Variants in KIRREL3 observed in about 807,000 individuals in gnomAD.
KIRREL3 encodes the protein kirre like nephrin family adhesion molecule 3.
In KIRREL3, 36 loss-of-function variants were observed where a neutral mutation model predicts 89.7. The observed-to-expected ratio is 0.40, with a 90% CI of 0.31 to 0.53. The LOEUF (loss-of-function observed/expected upper bound fraction) is 0.53, where lower values mean the gene tolerates loss of function less well. Among genes scored for constraint, KIRREL3 ranks in the 20% least tolerant of loss-of-function variants. KIRREL3 has a pLI of 0.49. For missense variants in KIRREL3, 864 were observed against 1,056.6 expected (o/e 0.82, Z 2.53); for synonymous variants, 445 against 441.4 (o/e 1.01, Z -0.10).
chr11:126,434,692 A>C (rs898050311), intron 13 of KIRREL3, among the ~76,000 whole-genome samples: 2 of 152,112 alleles, frequency 1.3e-5, no homozygotes, highest in Non-Finnish European at 2.9e-5. Flanking sequence ...GGGCCTGATG[A>C]CTGCTTTGCT....
At chr11:126,804,841 C>T (rs112966375) in intron 1 of KIRREL3, among the ~76,000 whole-genome samples, 2,051 of 152,224 alleles carry the variant, frequency 0.013, 48 homozygotes, top group African/African-American at 0.047. Flanking sequence ...GTGCAGGCTT[C>T]AGGATTTCCT....
In KIRREL3 at chr11:126,814,096, A is replaced by T. The variant is rs932251801; in HGVS notation, c.55+186359T>A. Among the ~76,000 whole-genome samples the T allele has an allele frequency of 1.3e-5, 2 of 152,188 alleles. No individual in the cohort carries two copies. The highest frequency in any genetic ancestry group is 3.2e-3 in the Middle Eastern group (1 of 316). ...AACCCGGTTAAAAAGTTGGCAAAGG[A>T]CATGAACAGACACTTCTCAAAAGAA... On this transcript the variant is annotated intron_variant, in intron 1 of 16. Coordinates refer to ENST00000525144, the MANE Select transcript of KIRREL3 (RefSeq NM_032531.4). The surrounding 1 kb of genome is among the most constrained non-coding windows in gnomAD (Gnocchi z 4.4).
chr11:126,887,592 G>C (rs1329324271), intron 1 of KIRREL3, among the ~76,000 whole-genome samples: 1 of 152,046 alleles, frequency 6.6e-6, no homozygotes, highest in Non-Finnish European at 1.5e-5. Context: ...TCATTTCCCA[G>C]CCTCTCCTCT....
intron 1 of KIRREL3, among the ~76,000 whole-genome samples, chr11:126,756,229 T>A (rs2134256532): frequency 6.6e-6 from 1 of 152,370 alleles, no homozygotes; most frequent in South Asian, 2.1e-4. Flanking sequence ...TCCCATGATG[T>A]CTTCCAGCAG....
intron 1 of KIRREL3, among the ~76,000 whole-genome samples, chr11:126,916,752 G>T (rs1002489000): frequency 1.3e-5 from 2 of 152,192 alleles, no homozygotes; most frequent in African/African-American, 4.8e-5. Flanking sequence ...TTTAGGTTTC[G>T]AAAAGAGATT....
At chr11:126,720,957 T>G (rs148171707) in intron 1 of KIRREL3, among the ~76,000 whole-genome samples, 1 of 152,220 alleles carries the variant, frequency 6.6e-6, no homozygotes, top group East Asian at 1.9e-4. Context: ...GTCTATTTCA[T>G]GTGCTTGAGA....
chr11:126,680,415 T>TATATAC (rs551073557), intron 1 of KIRREL3, among the ~76,000 whole-genome samples: 33 of 151,594 alleles, frequency 2.2e-4, no homozygotes, highest in African/African-American at 7.6e-4. Context: ...TATATATATA[T>TATATAC]ACACATAGCC....
intron 1 of KIRREL3, among the ~76,000 whole-genome samples, chr11:126,856,999 G>A (rs1944541188): frequency 6.6e-6 from 1 of 152,146 alleles, no homozygotes; most frequent in South Asian, 2.1e-4. Flanking sequence ...TTAACTGAGT[G>A]GAACTGTCTC....
At chr11:126,871,001 C>T (rs1477379325) in intron 1 of KIRREL3, among the ~76,000 whole-genome samples, 2 of 152,202 alleles carry the variant, frequency 1.3e-5, no homozygotes, top group African/African-American at 2.4e-5. Context: ...GCCCTGGAAG[C>T]TGGCTCAGTT....
At chr11:126,670,672 C>G (rs1480391212) in intron 1 of KIRREL3, among the ~76,000 whole-genome samples, 1 of 152,198 alleles carries the variant, frequency 6.6e-6, no homozygotes, top group Non-Finnish European at 1.5e-5. Flanking sequence ...AGCTGCCTAC[C>G]TTGCCCCACC....
intron 1 of KIRREL3, among the ~76,000 whole-genome samples, chr11:126,720,171 G>T (rs1314355208): frequency 6.6e-6 from 1 of 152,146 alleles, no homozygotes; most frequent in African/African-American, 2.4e-5. Context: ...AATTGTCTGA[G>T]CTCCCACTTG....
At chr11:126,831,274 T>C (rs1943596979) in intron 1 of KIRREL3, among the ~76,000 whole-genome samples, 1 of 152,216 alleles carries the variant, frequency 6.6e-6, no homozygotes, top group Non-Finnish European at 1.5e-5. Flanking sequence ...ACCAAGGTAA[T>C]GTTCCATGAG....
intron 1 of KIRREL3, among the ~76,000 whole-genome samples, chr11:126,671,958 A>G (rs1342851180): frequency 1.3e-5 from 2 of 152,256 alleles, no homozygotes; most frequent in African/African-American, 4.8e-5. Context: ...TTACGTGCAC[A>G]CAAAAACCTC....
chr11:126,822,331 C>T (rs1434370904), intron 1 of KIRREL3, among the ~76,000 whole-genome samples: 1 of 152,094 alleles, frequency 6.6e-6, no homozygotes. Flanking sequence ...TCAAACATAA[C>T]TATGCTTATT....
At chr11:126,665,227 G>T (rs971742755) in intron 1 of KIRREL3, among the ~76,000 whole-genome samples, 1 of 152,190 alleles carries the variant, frequency 6.6e-6, no homozygotes, top group African/African-American at 2.4e-5. Flanking sequence ...TCTGGGAATG[G>T]TGTCTGCAGG....
At chr11:126,878,402 G>C (rs1333466460) in intron 1 of KIRREL3, among the ~76,000 whole-genome samples, 1 of 152,048 alleles carries the variant, frequency 6.6e-6, no homozygotes, top group Non-Finnish European at 1.5e-5. Context: ...TTACTCCTGG[G>C]GGAGGGAGCA....
intron 4 of KIRREL3, among the ~76,000 whole-genome samples, chr11:126,517,136 A>AAGAGAAAGAGAGAGAGAGAGAGAG (rs1958437550): frequency 2.1e-5 from 3 of 140,906 alleles, no homozygotes; most frequent in East Asian, 4.2e-4. Flanking sequence ...GAGAGAGAGA[A>AAGAGAAAGAGAGAGAGAGAGAGAG]AGAGAGAGAG....
In KIRREL3 at chr11:126,623,635, A is replaced by T. The variant is rs1943662159; in HGVS notation, c.56-60723T>A. 6.6e-6 allele frequency among the ~76,000 whole-genome samples: 1 copy of T among 152,116 alleles called. No homozygotes were observed. Among genetic ancestry groups the T allele is most frequent in the South Asian group, 2.1e-4 (1 of 4,826 alleles). The stretch of plus-strand genomic sequence containing the variant: ...ATGGGCCAGCAAGGATGCGGGGAGG[A>T]TACCTGTGGTCAGGACCAGGTTGTG... On this transcript the variant is annotated intron_variant, in intron 1 of 16. Transcript: ENST00000525144. The surrounding 1 kb of genome is among the most constrained non-coding windows in gnomAD (Gnocchi z 4.1).
At chr11:126,511,435 C>T (rs1239359789) in intron 4 of KIRREL3, among the ~76,000 whole-genome samples, 1 of 152,192 alleles carries the variant, frequency 6.6e-6, no homozygotes. Context: ...AACACAGGTC[C>T]CCTCACAGCA....
Sources: allele counts gnomAD v4.1 joint callset (sites outside exome capture counted in the v4.1 genomes callset), GRCh38; gene constraint gnomAD v4.1.1; non-coding constraint Gnocchi (gnomAD v3.1); transcripts MANE v1.5; gene names NCBI Gene and HGNC (gene_info 2026-07-23, HGNC 2026-07-21).